The following SLC14A2 variants were observed in gnomAD, a reference collection of about 807,000 sequenced individuals.
SLC14A2 encodes solute carrier family 14 member 2, also known as urea transporter 2.
Under a neutral mutation model 104.6 loss-of-function variants are expected in SLC14A2, and 91 were observed. The observed-to-expected ratio is 0.87, with a 90% CI of 0.73 to 1.04. SLC14A2 has a LOEUF of 1.04. Ranked by LOEUF, SLC14A2 falls within the 50% of genes least tolerant of loss-of-function variation. SLC14A2 has a pLI of 0.00. For missense variants in SLC14A2, 1,189 were observed against 1,156.0 expected, an observed-to-expected ratio of 1.03 and a Z score of -0.41; for synonymous variants, 476 against 466.4, an observed-to-expected ratio of 1.02 and a Z score of -0.27.
chr18:45,258,061 A>G lies in SLC14A2; in HGVS notation c.-125+44870A>G, dbSNP rs775319364. Among the ~76,000 whole-genome samples the G allele has an allele frequency of 1.0e-3, 157 of 152,176 alleles. 2 individuals are homozygous for G. The highest frequency in any genetic ancestry group is 4.4e-4 in the Non-Finnish European group (30 of 68,038). On this transcript the variant is annotated intron_variant, in intron 1 of 20. Coordinates refer to the SLC14A2 transcript ENST00000586448. ...CCAAGCACTGTTCTTCATATTTGGC[A>G]TATCCTAGACCCCCGTTTCATTCTC...
chr18:45,660,671 C>T (rs1279999885), intron 10 of SLC14A2, among the ~76,000 whole-genome samples: 1 of 152,158 alleles, frequency 6.6e-6, no homozygotes, highest in Non-Finnish European at 1.5e-5. Context: ...TTGCAAAACA[C>T]CATGCAGAAA....
At chr18:45,671,070 G>T (rs532461671) in intron 16 of SLC14A2, among the ~76,000 whole-genome samples, 2 of 152,288 alleles carry the variant, frequency 1.3e-5, no homozygotes, top group Admixed American at 1.3e-4. Context: ...TTCTTAAGCT[G>T]CCCGTTCTTA....
At chr18:45,588,424 C>G (rs1279013271) in intron 2 of SLC14A2, among the ~76,000 whole-genome samples, 1 of 152,194 alleles carries the variant, frequency 6.6e-6, no homozygotes, top group Non-Finnish European at 1.5e-5. Flanking sequence ...CTCCCACCCA[C>G]ATGGCTGGAG....
At chr18:45,204,828 C>A in the SLC14A2 span, among the ~76,000 whole-genome samples, 1 of 138,766 alleles carries the variant, frequency 7.2e-6, no homozygotes, top group African/African-American at 2.7e-5. Flanking sequence ...AAAAAAAAAA[C>A]TTTCCCAGAG....
chr18:45,210,895 C>T (rs531086188), upstream of SLC14A2, among the ~76,000 whole-genome samples: 5 of 152,294 alleles, frequency 3.3e-5, no homozygotes, highest in East Asian at 9.6e-4. Context: ...AACACTACTA[C>T]TATTTTTTTC....
At chr18:45,530,514 C>G (rs2043666793) in intron 2 of SLC14A2, among the ~76,000 whole-genome samples, 1 of 152,132 alleles carries the variant, frequency 6.6e-6, no homozygotes, top group Admixed American at 6.5e-5. Flanking sequence ...GCCAGCACCT[C>G]TCATAACCCA....
intron 2 of SLC14A2, among the ~76,000 whole-genome samples, chr18:45,505,672 G>A (rs1392314211): frequency 1.3e-5 from 2 of 152,010 alleles, no homozygotes; most frequent in Admixed American, 6.6e-5. Flanking sequence ...AGTAGTCCTC[G>A]GCCCCCCGAG....
chr18:45,197,839 T>C, the SLC14A2 span, among the ~76,000 whole-genome samples: 1 of 152,182 alleles, frequency 6.6e-6, no homozygotes, highest in Non-Finnish European at 1.5e-5. Flanking sequence ...TTGCTATCTT[T>C]TGTGGTTCTC....
chr18:45,581,695 A>G (rs2044494561), intron 2 of SLC14A2, among the ~76,000 whole-genome samples: 1 of 152,184 alleles, frequency 6.6e-6, no homozygotes, highest in South Asian at 2.1e-4. Flanking sequence ...GAAGTGCTTG[A>G]CACATAAGCA....
intron 1 of SLC14A2, among the ~76,000 whole-genome samples, chr18:45,476,121 T>C (rs1205712987): frequency 6.6e-6 from 1 of 152,146 alleles, no homozygotes; most frequent in East Asian, 1.9e-4. Context: ...CTGGTACCGG[T>C]TTTTCCTTTC....
At chr18:45,286,161 A>G (rs552832997) in intron 1 of SLC14A2, among the ~76,000 whole-genome samples, 1 of 152,248 alleles carries the variant, frequency 6.6e-6, no homozygotes, top group East Asian at 1.9e-4. Context: ...TGGTCTTCCA[A>G]ACTTCCTAGG....
At chr18:45,199,024 T>C in the SLC14A2 span, among the ~76,000 whole-genome samples, 1 of 152,166 alleles carries the variant, frequency 6.6e-6, no homozygotes, top group Non-Finnish European at 1.5e-5. Context: ...AATCTGATAG[T>C]ATTAAACTTA....
rs536714396 is a variant in SLC14A2, at chr18:45,469,375, T to G, written c.-124-13858T>G. On this transcript the variant is annotated intron_variant, in intron 1 of 20. Transcript: ENST00000586448. ...ACCAAGTGTTACTTAAGAAGATGGATGCAAGGGCAGATGCTGAATCAACAG... is the reference window on the plus strand; with the variant it reads ...ACCAAGTGTTACTTAAGAAGATGGAGGCAAGGGCAGATGCTGAATCAACAG... Among the ~76,000 whole-genome samples, 8 of 152,256 alleles carry G rather than the reference T, an allele frequency of 5.3e-5. No individual in the cohort carries two copies. The East Asian group carries it at 1.5e-3, about 29-fold the overall frequency.
At chr18:45,496,445 AG>A (rs1336834915) in intron 2 of SLC14A2, among the ~76,000 whole-genome samples, 12 of 152,294 alleles carry the variant, frequency 7.9e-5, no homozygotes, top group African/African-American at 2.9e-4. Context: ...ATTGGCTGCC[AG>A]GGTAGCTAGA....
chr18:45,627,784 C>T (rs948199362), intron 4 of SLC14A2, among the ~76,000 whole-genome samples: 2 of 152,050 alleles, frequency 1.3e-5, no homozygotes, highest in Non-Finnish European at 2.9e-5. Context: ...TTAAGACAGG[C>T]AGATCACTTG....
chr18:45,506,675 T>C (rs1474785556), intron 2 of SLC14A2, among the ~76,000 whole-genome samples: 1 of 152,006 alleles, frequency 6.6e-6, no homozygotes, highest in Non-Finnish European at 1.5e-5. Context: ...GCCAGAAAAT[T>C]TTTTCTCTAG....
chr18:45,383,345 T>C (rs1332303224), intron 1 of SLC14A2, among the ~76,000 whole-genome samples: 1 of 152,186 alleles, frequency 6.6e-6, no homozygotes, highest in African/African-American at 2.4e-5. Context: ...GGAAACTTAG[T>C]GACCCTATGG....
chr18:45,171,500 T>C, the SLC14A2 span, among the ~76,000 whole-genome samples: 2 of 152,130 alleles, frequency 1.3e-5, no homozygotes, highest in East Asian at 3.8e-4. Context: ...AAATTTTCAA[T>C]TGATAGGTTC....
intron 2 of SLC14A2, among the ~76,000 whole-genome samples, chr18:45,501,215 C>T (rs1391815582): frequency 1.3e-5 from 2 of 152,170 alleles, no homozygotes; most frequent in African/African-American, 4.8e-5. Flanking sequence ...ACTATTTTGA[C>T]TCTGGCAAAC....
Sources: allele counts gnomAD v4.1 joint callset (sites outside exome capture counted in the v4.1 genomes callset), GRCh38; gene constraint gnomAD v4.1.1; transcripts MANE v1.5; gene names NCBI Gene and HGNC (gene_info 2026-07-23, HGNC 2026-07-21).